The following PATJ variants were observed in gnomAD, a reference collection of about 807,000 sequenced individuals.
PATJ encodes PATJ crumbs cell polarity complex component.
In PATJ, 190 loss-of-function variants were observed where a neutral mutation model predicts 224.9. That is an observed-to-expected ratio of 0.84 (90% confidence interval 0.75 to 0.95). The LOEUF is 0.95. PATJ is among the 40% of genes least tolerant of loss of function. The probability of loss-of-function intolerance (pLI) is 0.00; values close to 1 mark genes in which losing one functional copy is unlikely to be tolerated. For missense variants in PATJ, 2,121 were observed against 2,270.3 expected, an observed-to-expected ratio of 0.93 and a Z score of 1.34; for synonymous variants, 769 against 820.3, an observed-to-expected ratio of 0.94 and a Z score of 1.07.
intron 6 of PATJ, among the ~76,000 whole-genome samples, chr1:61,774,695 T>G (rs1646818347): frequency 6.6e-6 from 1 of 152,240 alleles, no homozygotes; most frequent in East Asian, 1.9e-4. Flanking sequence ...AGCTTTGCCC[T>G]TATATTTTCT....
intron 1 of PATJ, among the ~76,000 whole-genome samples, chr1:61,754,164 C>T (rs1229448717): frequency 1.3e-5 from 2 of 152,186 alleles, no homozygotes; most frequent in Non-Finnish European, 2.9e-5. Context: ...CTAGCTGTGA[C>T]CAATTGTAGG....
intron 32 of PATJ, among the ~76,000 whole-genome samples, chr1:62,080,931 CT>C (rs1200472751): frequency 6.6e-6 from 1 of 152,056 alleles, no homozygotes; most frequent in East Asian, 1.9e-4. Context: ...AAGGTGTTCA[CT>C]TTTTAAAGGT....
intron 7 of PATJ, among the ~76,000 whole-genome samples, chr1:61,780,949 A>G (rs1647224687): frequency 6.6e-6 from 1 of 152,226 alleles, no homozygotes; most frequent in African/African-American, 2.4e-5. Flanking sequence ...TCATAGGGTC[A>G]TAAGTGCTCA....
chr1:61,831,488 A>G (rs1211901671), intron 16 of PATJ, among the ~76,000 whole-genome samples: 1 of 152,200 alleles, frequency 6.6e-6, no homozygotes, highest in Non-Finnish European at 1.5e-5. Flanking sequence ...CAGCAAGCAA[A>G]AACAAACAGC....
rs1269985022 is a variant in PATJ, at chr1:62,136,323, C to T, written c.5271+7378C>T. Among the ~76,000 whole-genome samples the T allele has an allele frequency of 3.9e-5, 6 of 152,000 alleles. No homozygotes were observed. In the East Asian group the frequency reaches 9.7e-4, roughly 24 times the overall value. ...CTGGGATTACAGGTGTGAGCCGCCA[C>T]GCCCAGCCCGATCATTAAATTTTTA... On this transcript the variant is annotated intron_variant, in intron 41 of 43. Coordinates refer to ENST00000642238, the MANE Select transcript of PATJ (RefSeq NM_001350145.3).
chr1:61,948,241 C>G (rs985089547), intron 27 of PATJ, among the ~76,000 whole-genome samples: 2 of 152,194 alleles, frequency 1.3e-5, no homozygotes, highest in African/African-American at 4.8e-5. Flanking sequence ...AGAGCTTCTA[C>G]ACAGCAAAAG....
chr1:62,141,336 G>A lies in PATJ; in HGVS notation c.5272-6948G>A, dbSNP rs74076556. 2.9e-3 allele frequency among the ~76,000 whole-genome samples: 444 copies of A among 152,200 alleles called. 1 individual carries two copies. Among genetic ancestry groups the A allele is most frequent in the African/African-American group, 0.01 (420 of 41,524 alleles). On this transcript the variant is annotated intron_variant, in intron 41 of 43. Transcript: ENST00000642238. ...TGGAAATAATAGCAGGGACTCAGAA[G>A]GATGCTTAAAGACATACATAATGCA...
At chr1:61,920,569 T>C (rs905849214) in intron 26 of PATJ, among the ~76,000 whole-genome samples, 2 of 152,140 alleles carry the variant, frequency 1.3e-5, no homozygotes, top group African/African-American at 4.8e-5. Context: ...CGGACTAATA[T>C]ACCCACTATC....
chr1:61,938,235 G>A, intron 27 of PATJ, among the ~76,000 whole-genome samples: 1 of 152,108 alleles, frequency 6.6e-6, no homozygotes, highest in Admixed American at 6.5e-5. Flanking sequence ...AAGTGGATGG[G>A]GGATTCTACT....
At chr1:61,747,669 C>T (rs189173289) in intron 1 of PATJ, among the ~76,000 whole-genome samples, 116 of 152,184 alleles carry the variant, frequency 7.6e-4, no homozygotes, top group Non-Finnish European at 1.5e-3. Context: ...TAAGAAAAGG[C>T]ATAGAGACCA....
At chr1:62,124,963 A>G (rs1372653856) in intron 39 of PATJ, among the ~76,000 whole-genome samples, 1 of 152,112 alleles carries the variant, frequency 6.6e-6, no homozygotes, top group Non-Finnish European at 1.5e-5. Flanking sequence ...GCGGTGGCTC[A>G]TACCTGTAAT....
At chr1:62,079,341 G>A (rs1658871157) in intron 31 of PATJ, 109 bp from the exon 32 acceptor site, 2 of 670,714 alleles carry the variant, frequency 3.0e-6, no homozygotes, top group Non-Finnish European at 5.3e-6. Flanking sequence ...ATTCTCAAAA[G>A]ACATCATTGG....
chr1:62,023,049 G>A (rs1647177369), intron 29 of PATJ, among the ~76,000 whole-genome samples: 1 of 152,128 alleles, frequency 6.6e-6, no homozygotes, highest in Admixed American at 6.5e-5. Flanking sequence ...CAGCACTTAG[G>A]GAGGCCCAGG....
chr1:62,127,437 C>G (rs1208887854), intron 39 of PATJ, among the ~76,000 whole-genome samples: 1 of 146,268 alleles, frequency 6.8e-6, no homozygotes, highest in Admixed American at 6.9e-5. Flanking sequence ...TTTTTTGACA[C>G]AAATGACTCC....
intron 33 of PATJ, among the ~76,000 whole-genome samples, chr1:62,092,726 T>TTTTATTTGTTTATTTA (rs1660918112): frequency 6.6e-6 from 1 of 150,830 alleles, no homozygotes; most frequent in South Asian, 2.1e-4. Context: ...AGAAAACGAC[T>TTTTATTTGTTTATTTA]TTTATTTATT....
intron 30 of PATJ, among the ~76,000 whole-genome samples, chr1:62,047,812 T>A (rs1652831562): frequency 6.6e-6 from 1 of 152,232 alleles, no homozygotes; most frequent in Non-Finnish European, 1.5e-5. Flanking sequence ...ACATGGTAAC[T>A]CCTTGATTAT....
intron 1 of PATJ, among the ~76,000 whole-genome samples, chr1:61,761,306 T>G (rs970419774): frequency 6.6e-6 from 1 of 152,064 alleles, no homozygotes; most frequent in African/African-American, 2.4e-5. Context: ...TATATACATC[T>G]GTGTAAACCA....
At chr1:61,943,220 T>G (rs1678086879) in intron 27 of PATJ, among the ~76,000 whole-genome samples, 1 of 152,166 alleles carries the variant, frequency 6.6e-6, no homozygotes, top group African/African-American at 2.4e-5. Context: ...ATTTCTGCAT[T>G]TCCAACTGTG....
At chr1:61,966,748 T>C (rs1042248099) in intron 27 of PATJ, among the ~76,000 whole-genome samples, 3 of 151,212 alleles carry the variant, frequency 2.0e-5, no homozygotes, top group Admixed American at 6.6e-5. Context: ...GGCTACTCCA[T>C]AGAGCAGCTG....
Sources: allele counts gnomAD v4.1 joint callset (sites outside exome capture counted in the v4.1 genomes callset), GRCh38; gene constraint gnomAD v4.1.1; transcripts MANE v1.5; gene names NCBI Gene and HGNC (gene_info 2026-07-23, HGNC 2026-07-21).